Variants in ZPR1 observed in about 807,000 individuals in gnomAD.
ZPR1 encodes zinc finger protein ZPR1.
ZPR1 carries 37 observed loss-of-function variants against 59.6 expected under a neutral mutation model. The ratio of observed to expected loss-of-function variants is 0.62; its 90% CI spans 0.48 to 0.82. The LOEUF (loss-of-function observed/expected upper bound fraction) is 0.82, where lower values mean the gene tolerates loss of function less well. Among genes scored for constraint, ZPR1 ranks in the 40% least tolerant of loss-of-function variants. The pLI is 0.00. For synonymous variants in ZPR1, 191 were observed against 215.2 expected, an observed-to-expected ratio of 0.89 and a Z score of 0.99; for missense variants, 527 against 579.9, an observed-to-expected ratio of 0.91 and a Z score of 0.94.
At chr11:116,784,483 C>A in intron 8 of ZPR1, 35 bp from the exon 9 acceptor site, 5 of 1,591,036 alleles carry the variant, frequency 3.1e-6, no homozygotes, top group Non-Finnish European at 4.3e-6. Flanking sequence ...TACTTCCAGG[C>A]GAACAAGACC....
At chr11:116,784,191 C>CT in intron 9 of ZPR1, among the ~76,000 whole-genome samples, 187 bp downstream of exon 9, 1 of 152,164 alleles carries the variant, frequency 6.6e-6, no homozygotes, top group Non-Finnish European at 1.5e-5. Flanking sequence ...TATAGAATCT[C>CT]TAACTTTTCT....
intron 6 of ZPR1, 148 bp from the exon 7 acceptor site, chr11:116,785,294 C>T: frequency 9.0e-7 from 1 of 1,113,060 alleles, no homozygotes. Context: ...CAAAGTAAAG[C>T]CCCAACCAAA....
intron 10 of ZPR1, among the ~76,000 whole-genome samples, chr11:116,783,299 A>AC (rs1348998816): frequency 6.6e-6 from 1 of 152,202 alleles, no homozygotes; most frequent in African/African-American, 2.4e-5. Flanking sequence ...ACCCAGATAG[A>AC]CACTGGAGGC....
At chr11:116,779,472 T>G (rs192983062) in intron 13 of ZPR1, among the ~76,000 whole-genome samples, 1 of 152,164 alleles carries the variant, frequency 6.6e-6, no homozygotes, top group African/African-American at 2.4e-5. Flanking sequence ...AAGGTACCAT[T>G]TCTCCTCAAT....
Position 116,787,710 on chromosome 11 carries a change from CG to C in ZPR1, c.172-68del, listed in dbSNP as rs1226667215. On this transcript the variant is annotated intron_variant, in intron 1 of 13. Coordinates refer to ENST00000227322, the MANE Select transcript of ZPR1 (RefSeq NM_003904.5). ...CTCCCTTTCCCCGCCCTACTATCTC[CG>C]GGCGCTCCTCGGGGTCCCCGGCCGG... 6 of 1,556,518 alleles carry C rather than the reference CG, an allele frequency of 3.9e-6. No homozygotes were observed. The East Asian group carries it at 1.2e-4, about 30-fold the overall frequency.
intron 13 of ZPR1, 79 bp downstream of exon 13, chr11:116,779,693 A>C (rs994938010): frequency 4.4e-5 from 48 of 1,079,702 alleles, no homozygotes; most frequent in Non-Finnish European, 6.5e-5. Flanking sequence ...CAAGTCTTTC[A>C]GTTTCTAGGG....
In ZPR1 at chr11:116,779,100, T is replaced by A. The variant is rs761376229; in HGVS notation, c.1246-41A>T. 3.7e-6 allele frequency: 6 copies of A among 1,605,174 alleles called. No homozygotes were observed. The South Asian group carries it at 6.6e-5, about 18-fold the overall frequency. On this transcript the variant is annotated intron_variant, in intron 13 of 13. Coordinates refer to ENST00000227322, the MANE Select transcript of ZPR1 (RefSeq NM_003904.5). ...GAGACAATCAGTGCCGCTGTGCCAC[T>A]CCCCCTCTCTGCAGGCAGCTTCCAA...
rs1940898802 is a variant in ZPR1, at chr11:116,787,051, G to A, written c.342C>T (p.Asn114=). 2.5e-6 allele frequency: 4 copies of A among 1,613,808 alleles called. No individual in the cohort carries two copies. In the South Asian group the frequency reaches 4.4e-5, roughly 18 times the overall value. Residue 114 remains asparagine, a synonymous_variant, in exon 3 of 14, where the codon AAC becomes AAT. Coordinates refer to ENST00000227322, the MANE Select transcript of ZPR1 (RefSeq NM_003904.5). ...CAGAGTCAGTCTTCACCACTTCTCT[G>A]TTCATGTCCTGGGAAGAAAAGAATA... is the stretch of plus-strand genomic sequence containing the variant. ...TLSVRALEDM[N]REVVKTDSAA... is the part of the protein sequence containing the mutation.
chr11:116,775,872 TAA>T lies in ZPR1; in HGVS notation c.*3051_*3052del, dbSNP rs1451028649. On this transcript the variant is annotated 3_prime_UTR_variant, in exon 14 of 14. Transcript: ENST00000227322. Reference sequence around the variant, plus strand: ...GCCATTTGCCTTAAAAAGAAGTGTGTAAAAAACATTTTTTAATAGGAATAAAG... The same window carrying T: ...GCCATTTGCCTTAAAAAGAAGTGTGTAAAACATTTTTTAATAGGAATAAAG... 1.3e-5 allele frequency: 2 copies of T among 159,100 alleles called. No homozygotes were observed. The highest frequency in any genetic ancestry group is 4.8e-5 in the African/African-American group (2 of 41,438). The allele number at this position is 159,100 out of a possible 1,614,324, so 9.9% of individuals were successfully genotyped here.
intron 13 of ZPR1, 146 bp from the exon 14 acceptor site, chr11:116,779,205 C>G (rs1373711417): frequency 6.1e-6 from 7 of 1,148,274 alleles, no homozygotes; most frequent in Non-Finnish European, 8.5e-6. Context: ...CTAGACTGAA[C>G]TAGTGGGTAG....
In ZPR1 at chr11:116,785,895, G is replaced by C. The variant is rs564096989; in HGVS notation, c.496-13C>G. ...CATCTTTGTTTGCCTGCCATGAACA[G>C]AGAGTAAAGCATCAGCCCTGGTGGT... is the stretch of plus-strand genomic sequence containing the variant. On this transcript the variant is annotated splice_polypyrimidine_tract_variant and intron_variant, in intron 4 of 13. Transcript: ENST00000227322. 5.6e-5 allele frequency: 90 copies of C among 1,612,314 alleles called. No individual in the cohort carries two copies. In the South Asian group the frequency reaches 9.3e-4, roughly 17 times the overall value.
chr11:116,787,441 C>G, intron 2 of ZPR1, 41 bp downstream of exon 2: 1 of 1,592,390 alleles, frequency 6.3e-7, no homozygotes, highest in Non-Finnish European at 8.6e-7. Context: ...TACCGAATCT[C>G]TCTCTAGAAT....
rs11216135 is a variant in ZPR1, at chr11:116,775,346, C to G, written c.*3579G>C. The G allele has an allele frequency of 0.094, 14,203 of 151,886 alleles. 949 individuals carry two copies. The highest frequency in any genetic ancestry group is 0.25 in the South Asian group (1,224 of 4,802). The allele number at this position is 151,886 out of a possible 1,614,324, so 9.4% of individuals were successfully genotyped here. On this transcript the variant is annotated 3_prime_UTR_variant, in exon 14 of 14. Transcript: ENST00000227322. ...CAGTGGTGGGCGTCTGTAATCCCAGCTACTCAGGAGGCTGAGGCAGGAGAA... is the reference window on the plus strand; with the variant it reads ...CAGTGGTGGGCGTCTGTAATCCCAGGTACTCAGGAGGCTGAGGCAGGAGAA...
chr11:116,778,701 C>T lies in ZPR1; in HGVS notation c.*224G>A. On this transcript the variant is annotated 3_prime_UTR_variant, in exon 14 of 14. Transcript: ENST00000227322. ...GTTCATTTCTGGGTTTCCTCCTAGG[C>T]CAATTCAAAACTTCCAAAATAAGGT... The T allele has an allele frequency of 1.8e-6, 1 of 556,770 alleles. No individual in the cohort carries two copies. The highest frequency in any genetic ancestry group is 1.9e-5 in the African/African-American group (1 of 52,800). 34.5% of individuals were successfully genotyped at this position (556,770 alleles called of 1,614,324 possible). A position where few individuals can be genotyped will look rare whatever the true frequency, so the allele number is the denominator to read the frequency against.
At position 116,784,516 on chromosome 11, in the gene ZPR1, C is replaced by CAA. The variant is rs754216110; in HGVS notation, c.821-70_821-69dup. The stretch of plus-strand genomic sequence containing the variant: ...ACCACCATCTGGGGAAAAACAAAGC[C>CAA]AAACCCCACACAAACATATGCTGGT... On this transcript the variant is annotated intron_variant, in intron 8 of 13. Coordinates refer to ENST00000227322, the MANE Select transcript of ZPR1 (RefSeq NM_003904.5). 1.5e-4 allele frequency: 213 copies of CAA among 1,413,314 alleles called. No individual in the cohort carries two copies. The Middle Eastern group carries it at 2.1e-3, about 14-fold the overall frequency. 87.5% of individuals were successfully genotyped at this position (1,413,314 alleles called of 1,614,324 possible). A position where few individuals can be genotyped will look rare whatever the true frequency, so the allele number is the denominator to read the frequency against.
chr11:116,786,075 T>G (rs1047367524), intron 4 of ZPR1, among the ~76,000 whole-genome samples, 193 bp from the exon 5 acceptor site: 1 of 152,194 alleles, frequency 6.6e-6, no homozygotes, highest in African/African-American at 2.4e-5. Flanking sequence ...GAGCCTCCTT[T>G]TTCTCACTCA....
Position 116,779,034 on chromosome 11 carries a change from G to C in ZPR1, c.1271C>G (p.Pro424Arg). ...CTTGTAACGCTCCACCTTCATCTCA[G>C]GATCATCTTCAGGCGCATACACATT... is the stretch of plus-strand genomic sequence containing the variant. ...LQNVYAPEDD[P>R]EMKVERYKRT... Residue 424 changes from proline (P) to arginine (R), a missense_variant, in exon 14 of 14, where the codon CCT becomes CGT. Physicochemically the swap from Pro to Arg is moderately radical, Grantham distance 103. Coordinates refer to ENST00000227322, the MANE Select transcript of ZPR1 (RefSeq NM_003904.5). 1 of 1,614,150 alleles carries C rather than the reference G, an allele frequency of 6.2e-7. No individual in the cohort carries two copies. The highest frequency in any genetic ancestry group is 8.5e-7 in the Non-Finnish European group (1 of 1,180,046).
chr11:116,787,382 G>T, intron 2 of ZPR1, 100 bp downstream of exon 2: 1 of 1,254,734 alleles, frequency 8.0e-7, no homozygotes. Flanking sequence ...AGGAGACATA[G>T]GGGGATTTAT....
rs1940731169 is a variant in ZPR1 at position 116,776,885 on chromosome 11, A to C, written c.*2040T>G. ...AACTTAGATTCCCAAGTCAGCTGGA[A>C]ACATACCTAGAGATAATCTCTTAGG... On this transcript the variant is annotated 3_prime_UTR_variant, in exon 14 of 14. Coordinates refer to ENST00000227322, the MANE Select transcript of ZPR1 (RefSeq NM_003904.5). The C allele has an allele frequency of 6.6e-6, 1 of 152,266 alleles. No individual in the cohort carries two copies. The highest frequency in any genetic ancestry group is 1.5e-5 in the Non-Finnish European group (1 of 68,060). The allele number at this position is 152,266 out of a possible 1,614,324, so 9.4% of individuals were successfully genotyped here. A position where few individuals can be genotyped will look rare whatever the true frequency, so the allele number is the denominator to read the frequency against.
Sources: gnomAD v4.1 joint callset for allele counts (sites outside exome capture counted in the v4.1 genomes callset) on GRCh38, gnomAD v4.1.1 for gene constraint, MANE v1.5 for transcripts, NCBI Gene and HGNC (gene_info 2026-07-23, HGNC 2026-07-21) for gene names.